The following MARCHF4 variants were observed in gnomAD, a reference collection of about 807,000 sequenced individuals.
MARCHF4 encodes the protein E3 ubiquitin-protein ligase MARCHF4.
In MARCHF4, 14 loss-of-function variants were observed where a neutral mutation model predicts 43.9. The observed-to-expected ratio is 0.32, with a 90% CI of 0.21 to 0.50. The LOEUF (loss-of-function observed/expected upper bound fraction) is 0.50. Among genes scored for constraint, MARCHF4 ranks in the 20% least tolerant of loss-of-function variants. MARCHF4 has a pLI of 0.98. For missense variants in MARCHF4, 468 were observed against 536.7 expected (o/e 0.87, Z 1.27); for synonymous variants, 226 against 213.3 (o/e 1.06, Z -0.52).
intron 1 of MARCHF4, among the ~76,000 whole-genome samples, chr2:216,337,067 G>A (rs748290587): frequency 6.6e-5 from 10 of 151,450 alleles, no homozygotes; most frequent in Non-Finnish European, 1.3e-4. Flanking sequence ...CAGGAGAATC[G>A]CTGGAACCTG....
At chr2:216,304,560 A>G (rs1466242038) in intron 1 of MARCHF4, among the ~76,000 whole-genome samples, 1 of 152,148 alleles carries the variant, frequency 6.6e-6, no homozygotes, top group African/African-American at 2.4e-5. Context: ...TTCTCCTTGC[A>G]CTCTCATCCA....
At chr2:216,341,221 C>T (rs532071720) in intron 1 of MARCHF4, among the ~76,000 whole-genome samples, 1 of 152,334 alleles carries the variant, frequency 6.6e-6, no homozygotes, top group African/African-American at 2.4e-5. Context: ...ACTGAGATGG[C>T]TGTTCTGTTT....
At chr2:216,333,182 G>T (rs1447866073) in intron 1 of MARCHF4, among the ~76,000 whole-genome samples, 1 of 152,244 alleles carries the variant, frequency 6.6e-6, no homozygotes, top group Admixed American at 6.5e-5. Context: ...CTCAGCCAAA[G>T]ATTTAATTTA....
intron 1 of MARCHF4, among the ~76,000 whole-genome samples, chr2:216,297,045 T>C (rs926091422): frequency 2.6e-5 from 4 of 152,176 alleles, no homozygotes; most frequent in African/African-American, 9.7e-5. Flanking sequence ...ATTCCTGAAA[T>C]CTTGGCTCCA....
intron 2 of MARCHF4, among the ~76,000 whole-genome samples, chr2:216,280,222 A>T (rs207812): frequency 0.86 from 130,053 of 151,814 alleles, 56,288 homozygotes; most frequent in Non-Finnish European, 0.89. Context: ...GAGGGGGAGA[A>T]GGACACCCAG....
intron 1 of MARCHF4, among the ~76,000 whole-genome samples, chr2:216,366,120 C>T (rs550979052): frequency 7.2e-5 from 11 of 152,270 alleles, no homozygotes; most frequent in African/African-American, 1.2e-4. Context: ...CAAAATGCTA[C>T]GATGGCACTG....
chr2:216,313,683 T>G (rs1023506787), intron 1 of MARCHF4, among the ~76,000 whole-genome samples: 1 of 152,332 alleles, frequency 6.6e-6, no homozygotes, highest in Admixed American at 6.5e-5. Flanking sequence ...TTAGACATGA[T>G]CCCTAGAAAA....
At chr2:216,322,399 A>G (rs1297812614) in intron 1 of MARCHF4, among the ~76,000 whole-genome samples, 2 of 152,226 alleles carry the variant, frequency 1.3e-5, no homozygotes, top group African/African-American at 4.8e-5. Flanking sequence ...AATGTTGTTA[A>G]CTAGGGGGTC....
chr2:216,368,107 C>A (rs980067482), intron 1 of MARCHF4, among the ~76,000 whole-genome samples: 1 of 152,238 alleles, frequency 6.6e-6, no homozygotes, highest in Non-Finnish European at 1.5e-5. Context: ...AGAAGCCACA[C>A]TCTCAGAAGC....
chr2:216,284,117 C>G (rs913019078), intron 1 of MARCHF4, among the ~76,000 whole-genome samples: 4 of 152,166 alleles, frequency 2.6e-5, no homozygotes, highest in African/African-American at 7.2e-5. Context: ...CAAGGACAGA[C>G]AGGCAACAGA....
chr2:216,358,111 A>G (rs2105983096), intron 1 of MARCHF4, among the ~76,000 whole-genome samples: 1 of 152,324 alleles, frequency 6.6e-6, no homozygotes, highest in Non-Finnish European at 1.5e-5. Flanking sequence ...TTTTGCATTC[A>G]TTGTATCAGT....
At chr2:216,273,761 G>T (rs949141014) in intron 3 of MARCHF4, among the ~76,000 whole-genome samples, 1 of 152,166 alleles carries the variant, frequency 6.6e-6, no homozygotes, top group African/African-American at 2.4e-5. Flanking sequence ...TTCCGCCTTC[G>T]TGCAGCAAGA....
chr2:216,303,594 C>T (rs1691531198), intron 1 of MARCHF4: 1 of 152,192 alleles, frequency 6.6e-6, no homozygotes, highest in South Asian at 2.1e-4. Context: ...GCAGAGAGCG[C>T]AATGCCCAAA....
intron 1 of MARCHF4, among the ~76,000 whole-genome samples, chr2:216,363,343 A>G (rs763456210): frequency 1.3e-5 from 2 of 152,194 alleles, no homozygotes; most frequent in Non-Finnish European, 2.9e-5. Context: ...CTGTCAAAAC[A>G]CAGGCATCTC....
intron 3 of MARCHF4, among the ~76,000 whole-genome samples, chr2:216,273,176 T>G (rs1436953919): frequency 6.6e-6 from 1 of 152,268 alleles, no homozygotes; most frequent in African/African-American, 2.4e-5. Flanking sequence ...TTTCATGAGC[T>G]GTCCCTCAGC....
chr2:216,305,987 C>T (rs915340447), intron 1 of MARCHF4, among the ~76,000 whole-genome samples: 1 of 152,134 alleles, frequency 6.6e-6, no homozygotes, highest in Non-Finnish European at 1.5e-5. Flanking sequence ...ACCCCTCCTG[C>T]ACCAAAACAT....
chr2:216,369,426 T>C (rs971902132), intron 1 of MARCHF4, among the ~76,000 whole-genome samples: 1 of 152,232 alleles, frequency 6.6e-6, no homozygotes, highest in Non-Finnish European at 1.5e-5. Flanking sequence ...AGTGTGAATG[T>C]ACCACCAAGT....
intron 1 of MARCHF4, among the ~76,000 whole-genome samples, chr2:216,337,963 T>G (rs1367385103): frequency 6.6e-6 from 1 of 152,124 alleles, no homozygotes; most frequent in Non-Finnish European, 1.5e-5. Flanking sequence ...GAAATGGCAC[T>G]GCAATGTGGA....
At chr2:216,262,533 G>C (rs1690757994) in intron 3 of MARCHF4, among the ~76,000 whole-genome samples, 1 of 152,154 alleles carries the variant, frequency 6.6e-6, no homozygotes, top group South Asian at 2.1e-4. Context: ...TCTTTATGAG[G>C]TTAGAGGATT....
Sources: gnomAD v4.1 joint callset for allele counts (sites outside exome capture counted in the v4.1 genomes callset) on GRCh38, gnomAD v4.1.1 for gene constraint, MANE v1.5 for transcripts, NCBI Gene and HGNC (gene_info 2026-07-23, HGNC 2026-07-21) for gene names.